SCHIP1: variants seen among roughly 807,000 people sequenced by gnomAD.
SCHIP1 encodes schwannomin-interacting protein 1.
In SCHIP1, 8 loss-of-function variants were observed where a neutral mutation model predicts 29.7. That is an observed-to-expected ratio of 0.27 (90% CI 0.16 to 0.49). The LOEUF is 0.49. Among genes scored for constraint, SCHIP1 ranks in the 20% least tolerant of loss-of-function variants. The pLI, the probability that SCHIP1 is intolerant of heterozygous loss-of-function variation, is 0.99. For missense variants in SCHIP1, 193 were observed against 294.6 expected, an observed-to-expected ratio of 0.66 and a Z score of 2.52; for synonymous variants, 76 against 94.9, an observed-to-expected ratio of 0.80 and a Z score of 1.16.
At chr3:159,789,816 A>C in the SCHIP1 span, among the ~76,000 whole-genome samples, 1 of 152,172 alleles carries the variant, frequency 6.6e-6, no homozygotes, top group South Asian at 2.1e-4. Context: ...TCCAAACCTG[A>C]TGTGTAAAAT....
At chr3:159,428,613 TCAAC>T in the SCHIP1 span, among the ~76,000 whole-genome samples, 1 of 150,398 alleles carries the variant, frequency 6.6e-6, no homozygotes, top group Non-Finnish European at 1.5e-5. Context: ...GTAAACTAGT[TCAAC>T]CATTGTGGAA....
chr3:159,788,178 A>T, the SCHIP1 span, among the ~76,000 whole-genome samples: 1 of 152,174 alleles, frequency 6.6e-6, no homozygotes, highest in African/African-American at 2.4e-5. Flanking sequence ...TGTCGGCCTC[A>T]AAGTCTGCTC....
At chr3:159,438,177 T>C in the SCHIP1 span, among the ~76,000 whole-genome samples, 1 of 152,148 alleles carries the variant, frequency 6.6e-6, no homozygotes, top group Non-Finnish European at 1.5e-5. Context: ...GAAGTTCACA[T>C]ATAAAACATA....
the SCHIP1 span, among the ~76,000 whole-genome samples, chr3:159,317,333 G>A: frequency 6.6e-6 from 1 of 152,160 alleles, no homozygotes; most frequent in Admixed American, 6.5e-5. Flanking sequence ...TTGTTGTTGT[G>A]TCTCCTGGTG....
the SCHIP1 span, among the ~76,000 whole-genome samples, chr3:159,771,719 C>T: frequency 1.5e-4 from 22 of 150,020 alleles, no homozygotes; most frequent in South Asian, 4.6e-3. Context: ...AATTAGGTTG[C>T]AGGCAAACCA....
At chr3:159,349,902 C>A in the SCHIP1 span, among the ~76,000 whole-genome samples, 2 of 152,282 alleles carry the variant, frequency 1.3e-5, no homozygotes, top group East Asian at 1.9e-4. Context: ...GAAGCTTAAA[C>A]TTTTAAGCTC....
the SCHIP1 span, chr3:159,765,640 G>A: frequency 6.5e-6 from 1 of 153,196 alleles, no homozygotes; most frequent in Non-Finnish European, 1.5e-5. Context: ...GTCTGGCAGC[G>A]GGGTTCGTTC....
chr3:159,626,212 A>G, the SCHIP1 span, among the ~76,000 whole-genome samples: 1 of 123,642 alleles, frequency 8.1e-6, no homozygotes, highest in Non-Finnish European at 1.5e-5. Context: ...AGATAGATAT[A>G]TCTAGATATA....
the SCHIP1 span, among the ~76,000 whole-genome samples, chr3:159,420,092 T>C: frequency 1.8e-4 from 27 of 152,346 alleles, 1 homozygote; most frequent in Middle Eastern, 3.4e-3. Flanking sequence ...TATAAAGCCC[T>C]TGAGGGTCTT....
the SCHIP1 span, among the ~76,000 whole-genome samples, chr3:159,420,564 T>G: frequency 1.3e-5 from 2 of 152,172 alleles, no homozygotes; most frequent in African/African-American, 4.8e-5. Context: ...TGATTGCCAT[T>G]TAGGCCATTG....
chr3:159,794,390 A>C, the SCHIP1 span, among the ~76,000 whole-genome samples: 1 of 152,230 alleles, frequency 6.6e-6, no homozygotes, highest in Non-Finnish European at 1.5e-5. Flanking sequence ...AGTGGATTGC[A>C]TAACAGTTGG....
chr3:159,436,453 A>G, the SCHIP1 span, among the ~76,000 whole-genome samples: 2 of 152,196 alleles, frequency 1.3e-5, no homozygotes, highest in African/African-American at 4.8e-5. Flanking sequence ...ATTTGTCTCC[A>G]TATAAAGTGA....
the SCHIP1 span, among the ~76,000 whole-genome samples, chr3:159,536,951 C>T: frequency 1.4e-3 from 219 of 152,182 alleles, no homozygotes; most frequent in South Asian, 0.024. Flanking sequence ...TATTATATTG[C>T]GGTTTATTGC....
chr3:159,792,879 A>G, the SCHIP1 span, among the ~76,000 whole-genome samples: 1 of 152,232 alleles, frequency 6.6e-6, no homozygotes, highest in South Asian at 2.1e-4. Flanking sequence ...TTAAAATTTT[A>G]GAAAGAATTT....
chr3:159,816,267 A>C, the SCHIP1 span, among the ~76,000 whole-genome samples: 233 of 149,402 alleles, frequency 1.6e-3, 1 homozygote, highest in Non-Finnish European at 3.0e-3. Flanking sequence ...CCTTTTTTAA[A>C]ATGTATTTTA....
At chr3:159,868,002 T>TTATATATATATATATAAATCAATGATTTA (rs1257484064) in intron 2 of SCHIP1, among the ~76,000 whole-genome samples, 2 of 117,076 alleles carry the variant, frequency 1.7e-5, no homozygotes, top group East Asian at 2.8e-4. Flanking sequence ...AATCAATGAT[T>TTATATATATATATATAAATCAATGATTTA]TATATATATA....
chr3:159,563,344 C>CT, the SCHIP1 span, among the ~76,000 whole-genome samples: 1 of 152,014 alleles, frequency 6.6e-6, no homozygotes, highest in Non-Finnish European at 1.5e-5. Flanking sequence ...AAGTCATTTT[C>CT]TTTTTATATA....
At chr3:159,399,241 T>G in the SCHIP1 span, among the ~76,000 whole-genome samples, 12 of 152,222 alleles carry the variant, frequency 7.9e-5, no homozygotes, top group African/African-American at 2.9e-4. Context: ...TGTTTAAAAT[T>G]GTAATCACAG....
chr3:159,492,188 G>A, the SCHIP1 span, among the ~76,000 whole-genome samples: 1 of 152,162 alleles, frequency 6.6e-6, no homozygotes, highest in African/African-American at 2.4e-5. Flanking sequence ...CTAAAAATCA[G>A]AGCGCCTCTC....
Sources: allele counts gnomAD v4.1 joint callset (sites outside exome capture counted in the v4.1 genomes callset), GRCh38; gene constraint gnomAD v4.1.1; transcripts MANE v1.5; gene names NCBI Gene and HGNC (gene_info 2026-07-23, HGNC 2026-07-21).